GPHN: variants seen among roughly 807,000 people sequenced by gnomAD.
GPHN encodes gephyrin.
GPHN carries 17 observed loss-of-function variants against 95.5 expected under a neutral mutation model. That is an observed-to-expected ratio of 0.18 (90% CI 0.12 to 0.27). The LOEUF is 0.27. Among genes scored for constraint, GPHN ranks in the 10% least tolerant of loss-of-function variants. GPHN has a pLI of 1.00. For missense variants in GPHN, 660 were observed against 978.1 expected, an observed-to-expected ratio of 0.67 and a Z score of 4.34; for synonymous variants, 320 against 322.5, an observed-to-expected ratio of 0.99 and a Z score of 0.08.
chr14:66,905,153 A>G (rs1016429434), intron 5 of GPHN, among the ~76,000 whole-genome samples: 3 of 151,926 alleles, frequency 2.0e-5, no homozygotes, highest in Non-Finnish European at 4.4e-5. Flanking sequence ...TGTATTTTCA[A>G]ATAGCCTATC....
chr14:66,815,857 A>C (rs534175631), intron 3 of GPHN, among the ~76,000 whole-genome samples: 1 of 152,322 alleles, frequency 6.6e-6, no homozygotes, highest in Non-Finnish European at 1.5e-5. Flanking sequence ...AAAAACACAG[A>C]GTGGCAAGCT....
At chr14:67,408,828 T>C in the GPHN span, among the ~76,000 whole-genome samples, 1 of 152,150 alleles carries the variant, frequency 6.6e-6, no homozygotes, top group Admixed American at 6.5e-5. Context: ...CACTTTACTC[T>C]TCGGATTTTA....
chr14:67,528,707 C>T, the GPHN span, among the ~76,000 whole-genome samples: 227 of 152,270 alleles, frequency 1.5e-3, 1 homozygote, highest in African/African-American at 5.3e-3. Flanking sequence ...CTCTCTTGCC[C>T]GTATAACCCG....
chr14:67,351,502 T>A, the GPHN span, among the ~76,000 whole-genome samples: 3 of 152,196 alleles, frequency 2.0e-5, no homozygotes, highest in African/African-American at 7.2e-5. Flanking sequence ...AAAACATTTT[T>A]AACTTTTTAT....
At chr14:67,464,617 A>T in the GPHN span, among the ~76,000 whole-genome samples, 1 of 152,050 alleles carries the variant, frequency 6.6e-6, no homozygotes, top group Non-Finnish European at 1.5e-5. Context: ...TCTGCACAAA[A>T]CACTCTCCCT....
At chr14:67,465,422 GTA>G in the GPHN span, among the ~76,000 whole-genome samples, 6 of 150,228 alleles carry the variant, frequency 4.0e-5, no homozygotes, top group Non-Finnish European at 7.5e-5. Context: ...CAAAAGGTTT[GTA>G]AGCCTCGCTA....
chr14:66,535,196 A>G (rs2059096713), intron 1 of GPHN, among the ~76,000 whole-genome samples: 1 of 152,126 alleles, frequency 6.6e-6, no homozygotes, highest in South Asian at 2.1e-4. Context: ...TTTAAAATAA[A>G]ACATAGGATA....
the GPHN span, among the ~76,000 whole-genome samples, chr14:67,435,660 C>T: frequency 6.6e-6 from 1 of 152,226 alleles, no homozygotes; most frequent in East Asian, 1.9e-4. Context: ...TACAAAGAAT[C>T]TCCAGAACGC....
chr14:66,674,244 G>A (rs1375363468), intron 1 of GPHN, among the ~76,000 whole-genome samples: 3 of 151,518 alleles, frequency 2.0e-5, no homozygotes, highest in Admixed American at 6.6e-5. Flanking sequence ...GACTACAGAC[G>A]CCCACCACCA....
the GPHN span, chr14:67,586,071 T>C: frequency 1.2e-6 from 2 of 1,613,876 alleles, no homozygotes; most frequent in Non-Finnish European, 1.7e-6. Context: ...CATTGAGAAG[T>C]TGATCTTCCG....
chr14:66,932,672 C>T (rs1019581376), intron 8 of GPHN, among the ~76,000 whole-genome samples: 1 of 150,896 alleles, frequency 6.6e-6, no homozygotes, highest in Non-Finnish European at 1.5e-5. Context: ...ACTCTAGGCT[C>T]AGGGCAGCTA....
chr14:66,661,718 C>T (rs192045104), intron 1 of GPHN, among the ~76,000 whole-genome samples: 1 of 152,214 alleles, frequency 6.6e-6, no homozygotes, highest in African/African-American at 2.4e-5. Context: ...TCCAGCCACC[C>T]TCACTTGTAT....
At chr14:67,453,404 G>C in the GPHN span, among the ~76,000 whole-genome samples, 1 of 152,202 alleles carries the variant, frequency 6.6e-6, no homozygotes, top group Non-Finnish European at 1.5e-5. Flanking sequence ...GAGACAGAGG[G>C]CCTGCCTGGG....
At chr14:67,490,291 C>T in the GPHN span, among the ~76,000 whole-genome samples, 194 of 152,266 alleles carry the variant, frequency 1.3e-3, no homozygotes, top group Non-Finnish European at 1.3e-3. Flanking sequence ...TCTCCCATCT[C>T]CAGGAGCCAT....
chr14:66,934,052 T>TCCTCC (rs539669283), intron 8 of GPHN, among the ~76,000 whole-genome samples: 187 of 148,822 alleles, frequency 1.3e-3, no homozygotes, highest in African/African-American at 4.5e-3. Flanking sequence ...GGTGGAAGAA[T>TCCTCC]CACTTGAGCC....
chr14:66,763,542 C>A (rs1043013879), intron 2 of GPHN, among the ~76,000 whole-genome samples: 12 of 151,680 alleles, frequency 7.9e-5, no homozygotes, highest in African/African-American at 2.4e-4. Flanking sequence ...TTTCCAATTT[C>A]ATCCATGTCC....
chr14:66,785,733 CAAAA>C, intron 3 of GPHN, among the ~76,000 whole-genome samples: 1 of 106,916 alleles, frequency 9.4e-6, no homozygotes, highest in African/African-American at 3.4e-5. Flanking sequence ...AAAAAACAAA[CAAAA>C]AAAAAAAACA....
intron 8 of GPHN, among the ~76,000 whole-genome samples, chr14:66,927,291 G>A (rs2066529455): frequency 6.6e-6 from 1 of 151,118 alleles, no homozygotes; most frequent in Non-Finnish European, 1.5e-5. Flanking sequence ...GGAGGTTGCA[G>A]TGAGCTAAGA....
At chr14:66,739,956 T>C (rs2072650678) in intron 2 of GPHN, among the ~76,000 whole-genome samples, 1 of 152,082 alleles carries the variant, frequency 6.6e-6, no homozygotes, top group Non-Finnish European at 1.5e-5. Flanking sequence ...AATTCTAGAA[T>C]TGGAAACAAA....
Sources: gnomAD v4.1 joint callset for allele counts (sites outside exome capture counted in the v4.1 genomes callset) on GRCh38, gnomAD v4.1.1 for gene constraint, MANE v1.5 for transcripts, NCBI Gene and HGNC (gene_info 2026-07-23, HGNC 2026-07-21) for gene names.